ZNF142: variants seen among roughly 807,000 people sequenced by gnomAD.
ZNF142 encodes zinc finger protein 142, also known as zinc finger protein 142 (clone pHZ-49).
ZNF142 carries 96 observed loss-of-function variants against 132.1 expected under a neutral mutation model. That is an observed-to-expected ratio of 0.73 (90% CI 0.62 to 0.86). The LOEUF (loss-of-function observed/expected upper bound fraction) is 0.86, where lower values mean the gene tolerates loss of function less well. Ranked by LOEUF, ZNF142 falls within the 40% of genes least tolerant of loss-of-function variation. ZNF142 has a pLI of 0.00. For synonymous variants in ZNF142, 842 were observed against 890.1 expected (o/e 0.95, Z 0.96); for missense variants, 2,163 against 2,336.2 (o/e 0.93, Z 1.53).
intron 4 of ZNF142, among the ~76,000 whole-genome samples, chr2:218,654,159 T>G (rs1411844802): frequency 6.6e-6 from 1 of 152,210 alleles, no homozygotes; most frequent in Non-Finnish European, 1.5e-5. Flanking sequence ...TCCTCATCCT[T>G]GCTCTGGCCA....
chr2:218,653,578 A>G (rs2106265986), intron 4 of ZNF142, among the ~76,000 whole-genome samples: 1 of 149,996 alleles, frequency 6.7e-6, no homozygotes, highest in Non-Finnish European at 1.5e-5. Context: ...TCTATCTCAA[A>G]AAAAAAAAAA....
In ZNF142 at chr2:218,649,162, TAG is replaced by T. The variant is rs1937738367; in HGVS notation, c.1344_1345del (p.Phe448LeufsTer12). ...GACAGGACAGGCATAGGTGTCTGAG[TAG>T]AAGTTGGAAATATCTTCATGCATGC... On this transcript the variant is annotated frameshift_variant, in exon 7 of 11. Coordinates refer to ENST00000411696, the MANE Select transcript of ZNF142 (RefSeq NM_001379659.1). LOFTEE classifies it high-confidence loss of function. 6.2e-7 allele frequency: 1 copy of T among 1,614,072 alleles called. No individual in the cohort carries two copies.
At chr2:218,651,509 C>G (rs555249818) in intron 5 of ZNF142, among the ~76,000 whole-genome samples, 192 bp downstream of exon 5, 1 of 152,256 alleles carries the variant, frequency 6.6e-6, no homozygotes, top group Non-Finnish European at 1.5e-5. Context: ...ACAAAGACTT[C>G]CTCTTTGTCC....
chr2:218,636,041 G>A lies in ZNF142; in HGVS notation c.*2298C>T. On this transcript the variant is annotated 3_prime_UTR_variant, in exon 11 of 11. Coordinates refer to ENST00000411696, the MANE Select transcript of ZNF142 (RefSeq NM_001379659.1). ...TGTTATTGCATGTCCCCACATGGGA[G>A]GCAGTGTGGAACAGTACAAAGAATC... 6.6e-7 allele frequency: 1 copy of A among 1,526,236 alleles called. No individual in the cohort carries two copies. Among genetic ancestry groups the A allele is most frequent in the East Asian group, 2.3e-5 (1 of 44,192 alleles). 94.5% of individuals were successfully genotyped at this position (1,526,236 alleles called of 1,614,324 possible). A position where few individuals can be genotyped will look rare whatever the true frequency, so the allele number is the denominator to read the frequency against.
chr2:218,647,942 T>C (rs187282301), intron 7 of ZNF142, among the ~76,000 whole-genome samples: 2 of 152,346 alleles, frequency 1.3e-5, no homozygotes, highest in South Asian at 2.1e-4. Flanking sequence ...GACTAAAGCA[T>C]GTACAGGAAT....
Position 218,656,476 on chromosome 2 carries a change from C to T in ZNF142, c.-34-13G>A. 1 of 1,421,848 alleles carries T rather than the reference C, an allele frequency of 7.0e-7. No homozygotes were observed. Among genetic ancestry groups the T allele is most frequent in the Non-Finnish European group, 9.3e-7 (1 of 1,080,842 alleles). The allele number at this position is 1,421,848 out of a possible 1,614,324, so 88.1% of individuals were successfully genotyped here. A position where few individuals can be genotyped will look rare whatever the true frequency, so the allele number is the denominator to read the frequency against. On this transcript the variant is annotated splice_polypyrimidine_tract_variant and intron_variant, in intron 3 of 10. Transcript: ENST00000411696. ...GGCTTCTTAAATGCTGACAAGCCAA[C>T]CAGAAGAAAAACAAAGTAAGGTTAG...
chr2:218,638,695 A>G lies in ZNF142; in HGVS notation c.5308T>C (p.Cys1770Arg). Residue 1770 changes from cysteine (C) to arginine (R), a missense_variant, in exon 11 of 11, where the codon TGT (cysteine) becomes CGT (arginine). Cys to Arg is a radical substitution (Grantham distance 180). Coordinates refer to ENST00000411696, the MANE Select transcript of ZNF142 (RefSeq NM_001379659.1). Reference sequence around the variant, plus strand: ...AAGCGCGTCTTGAAGGCCTTGCCACACTGCTCACACATGAAAGCCCGTGCT... The same window carrying G: ...AAGCGCGTCTTGAAGGCCTTGCCACGCTGCTCACACATGAAAGCCCGTGCT... Reference protein sequence around the residue: ...REARAFMCEQCGKAFKTRFLL... With the variant: ...REARAFMCEQRGKAFKTRFLL... The G allele has an allele frequency of 1.2e-6, 2 of 1,614,142 alleles. No homozygotes were observed. Among genetic ancestry groups the G allele is most frequent in the South Asian group, 1.1e-5 (1 of 91,084 alleles).
Position 218,634,808 on chromosome 2 carries a change from G to A in ZNF142, c.*3531C>T, listed in dbSNP as rs1232893977. Among the ~76,000 whole-genome samples the A allele has an allele frequency of 1.3e-5, 2 of 152,110 alleles. No homozygotes were observed. Among genetic ancestry groups the A allele is most frequent in the African/African-American group, 4.8e-5 (2 of 41,416 alleles). ...ACAACTTCCTAATTGGGTAATGTTG[G>A]GCAAGTTCCTTAACCTCTCCATACC... On this transcript the variant is annotated 3_prime_UTR_variant, in exon 11 of 11. Transcript: ENST00000411696. The surrounding 1 kb of genome is among the most constrained non-coding windows in gnomAD (Gnocchi z 4.0).
intron 9 of ZNF142, 60 bp downstream of exon 9, chr2:218,641,968 G>A (rs747071990): frequency 1.5e-5 from 23 of 1,560,474 alleles, no homozygotes; most frequent in South Asian, 7.3e-5. Flanking sequence ...GAGAACCAAG[G>A]CAGTTTAACT....
At chr2:218,646,485 C>T (rs1697741934) in intron 7 of ZNF142, 137 bp from the exon 8 acceptor site, 1 of 964,912 alleles carries the variant, frequency 1.0e-6, no homozygotes, top group Middle Eastern at 2.8e-4. Context: ...ATGGTGAAAA[C>T]CTCACAATAA....
chr2:218,651,700 C>A lies in ZNF142; in HGVS notation c.880+1G>T, dbSNP rs866988284. The stretch of plus-strand genomic sequence containing the variant: ...GAACTGCTTGGCCCTTGGCCTCATA[C>A]CTGGCAGCAGCTCCTGGGATGGAAG... On this transcript the variant is annotated splice_donor_variant, in intron 5 of 10. Transcript: ENST00000411696. LOFTEE classifies it high-confidence loss of function. 7.8e-7 allele frequency: 1 copy of A among 1,279,956 alleles called. No individual in the cohort carries two copies. 79.3% of individuals were successfully genotyped at this position (1,279,956 alleles called of 1,614,324 possible). A position where few individuals can be genotyped will look rare whatever the true frequency, so the allele number is the denominator to read the frequency against.
intron 4 of ZNF142, 124 bp downstream of exon 4, chr2:218,656,026 A>G: frequency 1.6e-6 from 2 of 1,235,968 alleles, no homozygotes; most frequent in Middle Eastern, 3.0e-4. Flanking sequence ...AAATGACAAC[A>G]TCTCCAAGTA....
chr2:218,642,158 T>A lies in ZNF142; in HGVS notation c.4958A>T (p.Lys1653Met). ...GGTGCTGTAAGCACAATCGGTGCAC[T>A]TGTAGAGACGAGTGCCCCCATGCCC... ...VKGHGGTRLY[K>M]CTDCAYSTKN... is the part of the protein sequence containing the mutation. The change falls in exon 9 of 11, where the codon AAG (lysine) becomes ATG (methionine). Residue 1653 changes from lysine (K) to methionine (M), a missense_variant. This residue lies in a region of ZNF142 where 325 missense variants were observed against 367.8 expected (regional missense o/e 0.88). Transcript: ENST00000411696. The surrounding 1 kb of genome is among the most constrained non-coding windows in gnomAD (Gnocchi z 4.6). 6.2e-7 allele frequency: 1 copy of A among 1,614,168 alleles called. No homozygotes were observed. Among genetic ancestry groups the A allele is most frequent in the South Asian group, 1.1e-5 (1 of 91,084 alleles).
intron 3 of ZNF142, among the ~76,000 whole-genome samples, chr2:218,657,423 G>A (rs1380881646): frequency 6.6e-6 from 1 of 151,996 alleles, no homozygotes; most frequent in African/African-American, 2.4e-5. Context: ...CTTCCACCAT[G>A]AAGGCCTCCT....
At chr2:218,654,434 T>C (rs1264426796) in intron 4 of ZNF142, among the ~76,000 whole-genome samples, 2 of 151,906 alleles carry the variant, frequency 1.3e-5, no homozygotes, top group South Asian at 2.1e-4. Flanking sequence ...TGGTGCGATC[T>C]TGGCTCACTG....
In ZNF142 at chr2:218,635,978, G is replaced by T; in HGVS notation, c.*2361C>A. The T allele has an allele frequency of 6.2e-7, 1 of 1,612,934 alleles. No homozygotes were observed. The highest frequency in any genetic ancestry group is 1.7e-5 in the Admixed American group (1 of 59,982). ...GGAGGTGGGGGTAGGAGCATGATTA[G>T]TTTTCCTTCTAGTCTGTCTTCCATT... On this transcript the variant is annotated 3_prime_UTR_variant, in exon 11 of 11. Transcript: ENST00000411696.
At position 218,648,816 on chromosome 2, in the gene ZNF142, C is replaced by T. The variant is rs771788935; in HGVS notation, c.1692G>A (p.Gln564=). The part of the protein sequence containing the change: ...NKHLFRKHKK[Q]GHPGSEELRC... ...GCAGCTCTTCACTGCCAGGGTGGCC[C>T]TGCTTCTTGTGTTTACGGAATAGGT... is the stretch of plus-strand genomic sequence containing the variant. Residue 564 remains glutamine, a synonymous_variant, in exon 7 of 11, where the codon CAG becomes CAA. Coordinates refer to ENST00000411696, the MANE Select transcript of ZNF142 (RefSeq NM_001379659.1). 6.2e-7 allele frequency: 1 copy of T among 1,614,178 alleles called. No homozygotes were observed. Among genetic ancestry groups the T allele is most frequent in the East Asian group, 2.2e-5 (1 of 44,896 alleles).
rs1336936904 is a variant in ZNF142 at position 218,651,818 on chromosome 2, A to C, written c.763T>G (p.Cys255Gly). 7.8e-7 allele frequency: 1 copy of C among 1,289,878 alleles called. No homozygotes were observed. Among genetic ancestry groups the C allele is most frequent in the Admixed American group, 2.3e-5 (1 of 43,566 alleles). The allele number at this position is 1,289,878 out of a possible 1,614,324, so 79.9% of individuals were successfully genotyped here. The change falls in exon 5 of 11, where the codon TGC becomes GGC. Residue 255 changes from cysteine (C) to glycine (G), a missense_variant. Coordinates refer to ENST00000411696, the MANE Select transcript of ZNF142 (RefSeq NM_001379659.1). ...TTGACGTTGGAGCCTATGAAGCTGC[A>C]GTGGCTGCAGTGGAAAGGGTAATGC... is the stretch of plus-strand genomic sequence containing the variant. ...QAHYPFHCSH[C>G]SFIGSNVKLF...
intron 4 of ZNF142, among the ~76,000 whole-genome samples, chr2:218,653,554 G>A (rs1938213994): frequency 1.4e-5 from 2 of 146,556 alleles, no homozygotes. Context: ...CAGCCTGGGT[G>A]ACAAGAGTGA....
Sources: gnomAD v4.1 joint callset for allele counts (sites outside exome capture counted in the v4.1 genomes callset) on GRCh38, gnomAD v4.1.1 for gene constraint, gnomAD v4.1.1 regional missense constraint, Gnocchi (gnomAD v3.1) non-coding constraint, MANE v1.5 for transcripts, NCBI Gene and HGNC (gene_info 2026-07-23, HGNC 2026-07-21) for gene names.